Variants in ATP8A2 observed in about 807,000 individuals in gnomAD.
ATP8A2 encodes the protein phospholipid-transporting ATPase IB.
In ATP8A2, 100 loss-of-function variants were observed where a neutral mutation model predicts 165.6. The ratio of observed to expected loss-of-function variants is 0.60; its 90% confidence interval spans 0.51 to 0.71. The LOEUF (loss-of-function observed/expected upper bound fraction) is 0.71, where lower values mean the gene tolerates loss of function less well. Ranked by LOEUF, ATP8A2 falls within the 30% of genes least tolerant of loss-of-function variation. The pLI is 0.00. For missense variants in ATP8A2, 1,227 were observed against 1,479.5 expected (o/e 0.83, Z 2.80); for synonymous variants, 543 against 548.8 (o/e 0.99, Z 0.15).
chr13:25,905,977 T>C (rs1353813152), intron 33 of ATP8A2, among the ~76,000 whole-genome samples: 1 of 152,218 alleles, frequency 6.6e-6, no homozygotes, highest in Non-Finnish European at 1.5e-5. Context: ...CAAACCTCTT[T>C]CTTGAAATAT....
chr13:25,942,320 T>C (rs1228732432), intron 33 of ATP8A2, among the ~76,000 whole-genome samples: 1 of 152,274 alleles, frequency 6.6e-6, no homozygotes, highest in Non-Finnish European at 1.5e-5. Flanking sequence ...TAATCTGGAA[T>C]GAAATGCACA....
chr13:25,764,708 C>T (rs541144331), intron 25 of ATP8A2, among the ~76,000 whole-genome samples: 2 of 152,292 alleles, frequency 1.3e-5, no homozygotes, highest in South Asian at 4.1e-4. Context: ...TCCTTTTAGT[C>T]ATAAGGACTG....
At chr13:25,923,210 C>G (rs1184349573) in intron 33 of ATP8A2, among the ~76,000 whole-genome samples, 1 of 152,198 alleles carries the variant, frequency 6.6e-6, no homozygotes, top group East Asian at 1.9e-4. Flanking sequence ...CTTCCCAGAT[C>G]CACCAGTGTA....
intron 23 of ATP8A2, among the ~76,000 whole-genome samples, chr13:25,587,955 C>T (rs1356589604): frequency 1.3e-5 from 2 of 152,010 alleles, no homozygotes; most frequent in Non-Finnish European, 2.9e-5. Flanking sequence ...GCTTCTTGTT[C>T]CCCCCTCCTT....
chr13:25,920,168 C>CTTCTCGGCCTTTTCCCTCT (rs1954405722), intron 33 of ATP8A2, among the ~76,000 whole-genome samples: 1 of 152,134 alleles, frequency 6.6e-6, no homozygotes, highest in Non-Finnish European at 1.5e-5. Flanking sequence ...AGCCCAACTC[C>CTTCTCGGCCTTTTCCCTCT]TTCTCGGCCT....
chr13:25,937,329 AT>A (rs201922394), intron 33 of ATP8A2, among the ~76,000 whole-genome samples: 2 of 49,596 alleles, frequency 4.0e-5, no homozygotes, highest in Admixed American at 2.3e-4. Context: ...GTGGCATTTT[AT>A]TTTTTTTGCT....
intron 24 of ATP8A2, among the ~76,000 whole-genome samples, chr13:25,660,522 A>G (rs1282974126): frequency 6.6e-6 from 1 of 152,194 alleles, no homozygotes; most frequent in Non-Finnish European, 1.5e-5. Context: ...CTTTTTACGA[A>G]TGATGTTGGC....
In ATP8A2 at chr13:25,563,978, G is replaced by T. The variant is rs1360120521; in HGVS notation, c.1420G>T (p.Asp474Tyr). The T allele has an allele frequency of 5.6e-6, 9 of 1,612,930 alleles. No individual in the cohort carries two copies. In the Admixed American group the frequency reaches 1.0e-4, roughly 18 times the overall value. The change falls in exon 16 of 37, where the codon GAT (aspartate) becomes TAT (tyrosine). Residue 474 changes from aspartate to tyrosine, a missense_variant. Around this residue, in one of 5 missense-constraint regions of ATP8A2, gnomAD observed 592 missense variants for 785.6 expected, o/e 0.75. Transcript: ENST00000381655. ...CAGTCGGATGCCTCCTCCCTGTAGT[G>T]ATTCCTGTGACTTTGATGACCCCAG... ...DFCRMPPPCS[D>Y]SCDFDDPRLL...
chr13:25,873,824 T>G (rs1952747171), intron 33 of ATP8A2: 1 of 169,718 alleles, frequency 5.9e-6, no homozygotes, highest in South Asian at 1.2e-4. Context: ...ATATTTAGTT[T>G]CACCGTGTTA....
chr13:25,703,340 AGT>A (rs1341752929), intron 25 of ATP8A2, among the ~76,000 whole-genome samples: 1 of 152,168 alleles, frequency 6.6e-6, no homozygotes, highest in African/African-American at 2.4e-5. Flanking sequence ...GGCCTCCCAA[AGT>A]GATGGGATTA....
Position 25,440,201 on chromosome 13 carries a change from A to G in ATP8A2, c.77-28776A>G, listed in dbSNP as rs146506632. On this transcript the variant is annotated intron_variant, in intron 1 of 36. Coordinates refer to ENST00000381655, the MANE Select transcript of ATP8A2 (RefSeq NM_016529.6). The stretch of plus-strand genomic sequence containing the variant: ...TGGTTCTCCCCAGTAATTTTCTCAC[A>G]GGCTCTAGGAATGAATCATCTGGTG... Among the ~76,000 whole-genome samples the G allele has an allele frequency of 9.9e-5, 15 of 152,238 alleles. No homozygotes were observed. In the East Asian group the frequency reaches 2.9e-3, roughly 29 times the overall value.
At chr13:25,674,705 G>A (rs979542163) in intron 24 of ATP8A2, among the ~76,000 whole-genome samples, 2 of 152,146 alleles carry the variant, frequency 1.3e-5, no homozygotes, top group African/African-American at 2.4e-5. Context: ...TTCCCCACCC[G>A]GAGATCCTCA....
At chr13:25,972,536 G>A (rs1593650384) in intron 35 of ATP8A2, among the ~76,000 whole-genome samples, 1 of 152,252 alleles carries the variant, frequency 6.6e-6, no homozygotes, top group African/African-American at 2.4e-5. Flanking sequence ...TATAGACACT[G>A]GACACGTGTG....
chr13:25,568,248 G>A (rs533976903), intron 16 of ATP8A2, among the ~76,000 whole-genome samples: 1 of 152,242 alleles, frequency 6.6e-6, no homozygotes, highest in East Asian at 1.9e-4. Flanking sequence ...GCTAACCAGT[G>A]TGTGGGATAA....
intron 33 of ATP8A2, among the ~76,000 whole-genome samples, chr13:25,932,887 C>A (rs559445054): frequency 6.6e-6 from 1 of 152,198 alleles, no homozygotes; most frequent in Non-Finnish European, 1.5e-5. Flanking sequence ...CACTCTGTCA[C>A]CCAGGCTGGG....
chr13:25,827,969 A>G, intron 27 of ATP8A2, 149 bp from the exon 28 acceptor site: 1 of 640,168 alleles, frequency 1.6e-6, no homozygotes, highest in Middle Eastern at 2.5e-4. Context: ...TCTATGTTTT[A>G]TAAAGGAACA....
intron 35 of ATP8A2, among the ~76,000 whole-genome samples, chr13:25,985,252 C>T (rs1956255492): frequency 6.6e-6 from 1 of 152,130 alleles, no homozygotes. Flanking sequence ...TCAACTACAT[C>T]CAAAAAGCAC....
chr13:25,514,007 A>C (rs1218949447), intron 2 of ATP8A2, among the ~76,000 whole-genome samples: 2 of 143,424 alleles, frequency 1.4e-5, no homozygotes, highest in Non-Finnish European at 3.1e-5. Context: ...GGGGAGGGAG[A>C]GGGAGAGGGA....
rs1300596819 is a variant in ATP8A2 at position 25,496,633 on chromosome 13, G to GTTGT, written c.221+27515_221+27518dup. On this transcript the variant is annotated intron_variant, in intron 2 of 36. Coordinates refer to ENST00000381655, the MANE Select transcript of ATP8A2 (RefSeq NM_016529.6). ...AGAACACTTCGGGTTTTCAGGAAAT[G>GTTGT]TTGTTTTCCTTATCATCAGTAAATT... is the stretch of plus-strand genomic sequence containing the variant. Among the ~76,000 whole-genome samples, 3 of 152,218 alleles carry GTTGT rather than the reference G, an allele frequency of 2.0e-5. No individual in the cohort carries two copies. In the East Asian group the frequency reaches 5.8e-4, roughly 29 times the overall value.
Sources: gnomAD v4.1 joint callset for allele counts (sites outside exome capture counted in the v4.1 genomes callset) on GRCh38, gnomAD v4.1.1 for gene constraint, gnomAD v4.1.1 regional missense constraint, MANE v1.5 for transcripts, NCBI Gene and HGNC (gene_info 2026-07-23, HGNC 2026-07-21) for gene names.